Variants in OSBPL8 observed in about 807,000 individuals in gnomAD.
OSBPL8 encodes oxysterol binding protein like 8.
Under a neutral mutation model 125.5 loss-of-function variants are expected in OSBPL8, and 59 were observed. That is an observed-to-expected ratio of 0.47 (90% CI 0.38 to 0.58). The LOEUF (loss-of-function observed/expected upper bound fraction) is 0.58. Ranked by LOEUF, OSBPL8 falls within the 20% of genes least tolerant of loss-of-function variation. OSBPL8 has a pLI of 0.00. For synonymous variants in OSBPL8, 330 were observed against 338.9 expected (o/e 0.97, Z 0.29); for missense variants, 758 against 1,047.8 (o/e 0.72, Z 3.82).
chr12:76,413,769 T>C (rs1868329310), intron 4 of OSBPL8, among the ~76,000 whole-genome samples: 1 of 152,108 alleles, frequency 6.6e-6, no homozygotes, highest in Non-Finnish European at 1.5e-5. Context: ...CTTCAGACCT[T>C]TTGTACATTA....
At chr12:76,369,325 ACC>A in intron 20 of OSBPL8, 24 bp from the exon 21 acceptor site, 1 of 1,571,154 alleles carries the variant, frequency 6.4e-7, no homozygotes. Context: ...AAAAAAAAAA[ACC>A]ATTTGCTCAA....
chr12:76,525,850 T>C (rs1187028888), intron 1 of OSBPL8, among the ~76,000 whole-genome samples: 3 of 152,218 alleles, frequency 2.0e-5, no homozygotes, highest in Non-Finnish European at 2.9e-5. Flanking sequence ...CCCATTCAAT[T>C]ATGTAAAATA....
intron 2 of OSBPL8, among the ~76,000 whole-genome samples, chr12:76,462,827 A>G (rs917407436): frequency 3.0e-4 from 45 of 152,270 alleles, no homozygotes; most frequent in African/African-American, 7.0e-4. Context: ...AGACAGAGGG[A>G]AGAGCAAGTG....
chr12:76,459,352 A>C (rs1221700468), intron 3 of OSBPL8, among the ~76,000 whole-genome samples: 1 of 152,198 alleles, frequency 6.6e-6, no homozygotes, highest in Non-Finnish European at 1.5e-5. Context: ...TCTCAGTAAA[A>C]TGTGTTGAGG....
At chr12:76,391,571 G>C (rs1003585644) in intron 10 of OSBPL8, among the ~76,000 whole-genome samples, 2 of 152,154 alleles carry the variant, frequency 1.3e-5, no homozygotes, top group Admixed American at 6.5e-5. Context: ...GCAACATAGT[G>C]AGACTATGTC....
chr12:76,543,691 C>G (rs1950706464), intron 1 of OSBPL8, among the ~76,000 whole-genome samples: 1 of 152,158 alleles, frequency 6.6e-6, no homozygotes, highest in South Asian at 2.1e-4. Flanking sequence ...AATGGGGTAG[C>G]TGCCTGGAAT....
At chr12:76,522,279 G>A (rs936700327) in intron 1 of OSBPL8, among the ~76,000 whole-genome samples, 5 of 144,538 alleles carry the variant, frequency 3.5e-5, no homozygotes, top group Admixed American at 2.1e-4. Flanking sequence ...TTTTAAAAGA[G>A]AAAAAAAGTT....
chr12:76,511,589 A>C (rs562695096), intron 1 of OSBPL8, among the ~76,000 whole-genome samples: 17 of 152,102 alleles, frequency 1.1e-4, no homozygotes, highest in African/African-American at 3.9e-4. Context: ...TTCTCTTGTA[A>C]ATTTATTTAA....
intron 2 of OSBPL8, among the ~76,000 whole-genome samples, chr12:76,462,920 G>A (rs1304171386): frequency 1.3e-5 from 2 of 152,172 alleles, no homozygotes; most frequent in African/African-American, 2.4e-5. Flanking sequence ...TGCAAAAATA[G>A]GAAAGTAGTA....
chr12:76,438,014 T>C (rs948776463), intron 4 of OSBPL8, among the ~76,000 whole-genome samples: 1 of 152,046 alleles, frequency 6.6e-6, no homozygotes, highest in Non-Finnish European at 1.5e-5. Flanking sequence ...TGAGACGGAG[T>C]CTTGCTCTGT....
At chr12:76,483,895 G>A (rs1243683085) in intron 2 of OSBPL8, among the ~76,000 whole-genome samples, 2 of 151,776 alleles carry the variant, frequency 1.3e-5, no homozygotes, top group Admixed American at 6.6e-5. Flanking sequence ...GGCTGGTTTT[G>A]AACTCCTGAC....
At chr12:76,416,595 C>T (rs1868700997) in intron 4 of OSBPL8, among the ~76,000 whole-genome samples, 1 of 151,866 alleles carries the variant, frequency 6.6e-6, no homozygotes, top group Non-Finnish European at 1.5e-5. Context: ...TGCTTTTTGC[C>T]TCAAAATTTA....
intron 3 of OSBPL8, among the ~76,000 whole-genome samples, chr12:76,457,018 C>G (rs1874133328): frequency 1.3e-5 from 2 of 152,104 alleles, no homozygotes; most frequent in Admixed American, 6.5e-5. Flanking sequence ...TCACATGGGT[C>G]CCATAGCGTT....
intron 4 of OSBPL8, among the ~76,000 whole-genome samples, chr12:76,412,272 C>T (rs1344116329): frequency 6.6e-6 from 1 of 152,054 alleles, no homozygotes; most frequent in Non-Finnish European, 1.5e-5. Context: ...TACAAACAAT[C>T]TATGGCGTTA....
At chr12:76,419,716 C>T (rs1174654038) in intron 4 of OSBPL8, among the ~76,000 whole-genome samples, 2 of 152,202 alleles carry the variant, frequency 1.3e-5, no homozygotes, top group Non-Finnish European at 1.5e-5. Context: ...TTTCCTAAAG[C>T]TCAACCCCAA....
At chr12:76,477,753 T>C (rs780082273) in intron 2 of OSBPL8, among the ~76,000 whole-genome samples, 7 of 152,218 alleles carry the variant, frequency 4.6e-5, no homozygotes, top group Middle Eastern at 3.4e-3. Flanking sequence ...CACACTAATA[T>C]AAGATGTTCC....
At position 76,355,599 on chromosome 12, in the gene OSBPL8, G is replaced by A. The variant is rs889104902; in HGVS notation, c.*290C>T. On this transcript the variant is annotated 3_prime_UTR_variant, in exon 24 of 24. Coordinates refer to ENST00000261183, the MANE Select transcript of OSBPL8 (RefSeq NM_020841.5). ...ACTACTGTCAGGTAGGAGTACATAAGAGACAATTGTGTATACATGTGGGTT... is the reference window on the plus strand; with the variant it reads ...ACTACTGTCAGGTAGGAGTACATAAAAGACAATTGTGTATACATGTGGGTT... The A allele has an allele frequency of 2.6e-5, 6 of 234,720 alleles. No homozygotes were observed. The highest frequency in any genetic ancestry group is 1.1e-4 in the African/African-American group (5 of 43,792). The allele number at this position is 234,720 out of a possible 1,614,324, so 14.5% of individuals were successfully genotyped here. A position where few individuals can be genotyped will look rare whatever the true frequency, so the allele number is the denominator to read the frequency against.
intron 1 of OSBPL8, among the ~76,000 whole-genome samples, chr12:76,547,695 A>T (rs977550324): frequency 4.6e-5 from 7 of 152,172 alleles, no homozygotes; most frequent in African/African-American, 1.7e-4. Context: ...AACAGAACAA[A>T]AGACTTCCAA....
At chr12:76,526,843 G>C (rs1387730842) in intron 1 of OSBPL8, among the ~76,000 whole-genome samples, 3 of 151,554 alleles carry the variant, frequency 2.0e-5, no homozygotes, top group African/African-American at 7.3e-5. Flanking sequence ...TAGAGACAGG[G>C]TTTCACCATG....
Sources: gnomAD v4.1 joint callset for allele counts (sites outside exome capture counted in the v4.1 genomes callset) on GRCh38, gnomAD v4.1.1 for gene constraint, MANE v1.5 for transcripts, NCBI Gene and HGNC (gene_info 2026-07-23, HGNC 2026-07-21) for gene names.